LZTS3: variants seen among roughly 807,000 people sequenced by gnomAD.
LZTS3 encodes leucine zipper putative tumor suppressor 3.
LZTS3 carries 16 observed loss-of-function variants against 50.9 expected under a neutral mutation model. The ratio of observed to expected loss-of-function variants is 0.31; its 90% CI spans 0.21 to 0.48. The LOEUF (loss-of-function observed/expected upper bound fraction) is 0.48. Among genes scored for constraint, LZTS3 ranks in the 20% least tolerant of loss-of-function variants. The probability of loss-of-function intolerance (pLI) is 0.99; values close to 1 mark genes in which losing one functional copy is unlikely to be tolerated. For synonymous variants in LZTS3, 408 were observed against 410.6 expected (o/e 0.99, Z 0.08); for missense variants, 816 against 931.0 (o/e 0.88, Z 1.61).
chr20:3,169,053 G>C (rs1412472116), intron 1 of LZTS3, among the ~76,000 whole-genome samples: 1 of 149,718 alleles, frequency 6.7e-6, no homozygotes, highest in Non-Finnish European at 1.5e-5. Flanking sequence ...GTGGAGAAGA[G>C]CACTTCGCCA....
In LZTS3 at chr20:3,165,415, T is replaced by G; in HGVS notation, c.1323+82A>C. 1 of 936,408 alleles carries G rather than the reference T, an allele frequency of 1.1e-6. No individual in the cohort carries two copies. The highest frequency in any genetic ancestry group is 1.5e-6 in the Non-Finnish European group (1 of 680,310). The allele number at this position is 936,408 out of a possible 1,614,324, so 58.0% of individuals were successfully genotyped here. On this transcript the variant is annotated intron_variant, in intron 4 of 4. Transcript: ENST00000337576. This position sits in a 1 kb window ranked among gnomAD's most constrained non-coding sequence, Gnocchi z 5.0. ...CATCCCCCCCCCCATCCCACCGTTA[T>G]GATAGTGAGGGGCAACTGCTCTGGG... is the stretch of plus-strand genomic sequence containing the variant.
rs1293320871 is a variant in LZTS3, at chr20:3,165,744, G to A, written c.1076C>T (p.Ala359Val). The change falls in exon 4 of 5, where the codon GCG (alanine) becomes GTG (valine). Residue 359 changes from alanine (A) to valine (V), a missense_variant. Ala to Val is a moderately conservative substitution (Grantham distance 64). Around this residue, in one of 3 missense-constraint regions of LZTS3, gnomAD observed 700 missense variants for 769.4 expected, o/e 0.91. Coordinates refer to ENST00000337576, the MANE Select transcript of LZTS3 (RefSeq NM_001365618.1). This position sits in a 1 kb window ranked among gnomAD's most constrained non-coding sequence, Gnocchi z 5.0. The part of the protein sequence containing the change: ...VAQVLEERQK[A>V]WERELAELRQ... ...CAGCTCGGCCAGCTCCCGCTCCCACGCCTTCTGCCGCTCCTCCAGTACCTG... is the reference window on the plus strand; with the variant it reads ...CAGCTCGGCCAGCTCCCGCTCCCACACCTTCTGCCGCTCCTCCAGTACCTG... 7.0e-6 allele frequency: 11 copies of A among 1,574,874 alleles called. No individual in the cohort carries two copies. The highest frequency in any genetic ancestry group is 2.3e-5 in the South Asian group (2 of 88,120).
rs755543046 is a variant in LZTS3 at position 3,166,027 on chromosome 20, C to T, written c.793G>A (p.Gly265Ser). The T allele has an allele frequency of 5.0e-6, 8 of 1,612,270 alleles. No homozygotes were observed. Among genetic ancestry groups the T allele is most frequent in the South Asian group, 2.2e-5 (2 of 90,880 alleles). The change falls in exon 4 of 5, where the codon GGT becomes AGT. Residue 265 changes from glycine (G) to serine (S), a missense_variant. Gly to Ser is a moderately conservative substitution (Grantham distance 56, BLOSUM62 0). Coordinates refer to ENST00000337576, the MANE Select transcript of LZTS3 (RefSeq NM_001365618.1). Reference protein sequence around the residue: ...SYGSGSGGSSGGGSGYQDLGT... With the variant: ...SYGSGSGGSSSGGSGYQDLGT... ...AGGTCCTGGTAGCCCGACCCCCCAC[C>T]GCTGCTGCCGCCACTACCACTACCA...
intron 1 of LZTS3, among the ~76,000 whole-genome samples, chr20:3,171,419 T>G (rs542416403): frequency 6.6e-6 from 1 of 152,118 alleles, no homozygotes; most frequent in East Asian, 1.9e-4. Flanking sequence ...CTTGTCGTAA[T>G]TGTAACCTGT....
rs1040640178 is a variant in LZTS3, at chr20:3,167,892, G to A, written c.-173C>T. 6.1e-6 allele frequency: 6 copies of A among 984,166 alleles called. No homozygotes were observed. Among genetic ancestry groups the A allele is most frequent in the Non-Finnish European group, 7.2e-6 (6 of 828,780 alleles). The allele number at this position is 984,166 out of a possible 1,614,324, so 61.0% of individuals were successfully genotyped here. A position where few individuals can be genotyped will look rare whatever the true frequency, so the allele number is the denominator to read the frequency against. On this transcript the variant is annotated 5_prime_UTR_variant, in exon 2 of 5. Coordinates refer to ENST00000337576, the MANE Select transcript of LZTS3 (RefSeq NM_001365618.1). Reference sequence around the variant, plus strand: ...CCATGTGCCTCACTCTCGCAGTCGGGGCTCGGCCCGAACCAGCTGCGCGAC... The same window carrying A: ...CCATGTGCCTCACTCTCGCAGTCGGAGCTCGGCCCGAACCAGCTGCGCGAC...
chr20:3,165,254 G>A lies in LZTS3; in HGVS notation c.1324-102C>T, dbSNP rs1413923603. 2 of 1,270,036 alleles carry A rather than the reference G, an allele frequency of 1.6e-6. No homozygotes were observed. The highest frequency in any genetic ancestry group is 2.9e-5 in the Admixed American group (1 of 34,974). 78.7% of individuals were successfully genotyped at this position (1,270,036 alleles called of 1,614,324 possible). A position where few individuals can be genotyped will look rare whatever the true frequency, so the allele number is the denominator to read the frequency against. ...AGCCAGGGGCACCAAGCTTCCCGGG[G>A]CTGCAGGCTCAGCCCCTCATCAGCA... On this transcript the variant is annotated intron_variant, in intron 4 of 4. Transcript: ENST00000337576. This position sits in a 1 kb window ranked among gnomAD's most constrained non-coding sequence, Gnocchi z 5.0.
Position 3,167,143 on chromosome 20 carries a change from C to G in LZTS3, c.21G>C (p.Leu7=). 1 of 1,484,488 alleles carries G rather than the reference C, an allele frequency of 6.7e-7. No homozygotes were observed. The highest frequency in any genetic ancestry group is 8.9e-7 in the Non-Finnish European group (1 of 1,122,978). 92.0% of individuals were successfully genotyped at this position (1,484,488 alleles called of 1,614,324 possible). The change falls in exon 3 of 5, where the codon CTG becomes CTC. Residue 7 remains leucine (L), a synonymous_variant. Transcript: ENST00000337576. ...CCCGCCCTGGGTCAGCGCGCACAGG[C>G]AGCGTCTCCAGCTTCGCCATGACTA... MAKLET[L]PVRADPGRDP...
chr20:3,164,532 C>T lies in LZTS3; in HGVS notation c.1944G>A (p.Thr648=). The T allele has an allele frequency of 6.2e-7, 1 of 1,601,240 alleles. No homozygotes were observed. Among genetic ancestry groups the T allele is most frequent in the South Asian group, 1.1e-5 (1 of 89,260 alleles). The part of the protein sequence containing the change: ...RERGAAGGAS[T]PTPQHGEEKK... Reference sequence around the variant, plus strand: ...TCTCCTCGCCATGCTGGGGAGTGGGCGTGCTTGCACCCCCTGCGGCCCCGC... The same window carrying T: ...TCTCCTCGCCATGCTGGGGAGTGGGTGTGCTTGCACCCCCTGCGGCCCCGC... The change falls in exon 5 of 5, where the codon ACG becomes ACA. Residue 648 remains threonine, a synonymous_variant. Transcript: ENST00000337576.
At position 3,166,762 on chromosome 20, in the gene LZTS3, C is replaced by T. The variant is rs749472403; in HGVS notation, c.402G>A (p.Gln134=). ...TGGGTGGGTGGCTGGGCTCACGATA[C>T]TGCGGTGGGGCTTTGTCACTGCCAC... is the stretch of plus-strand genomic sequence containing the variant. ...SSGGSDKAPP[Q]YREPSHPPKL... The change falls in exon 3 of 5, where the codon CAG becomes CAA. Residue 134 remains glutamine (Q), a synonymous_variant. Transcript: ENST00000337576. 1 of 1,613,972 alleles carries T rather than the reference C, an allele frequency of 6.2e-7. No homozygotes were observed. The highest frequency in any genetic ancestry group is 1.1e-5 in the South Asian group (1 of 91,090).
In LZTS3 at chr20:3,164,669, G is replaced by A. The variant is rs1230174646; in HGVS notation, c.1807C>T (p.Arg603Cys). The change falls in exon 5 of 5, where the codon CGC (arginine) becomes TGC (cysteine). Residue 603 changes from arginine (R) to cysteine (C), a missense_variant. Physicochemically the swap from Arg to Cys is radical, Grantham distance 180. This residue lies in a region of LZTS3 where 107 missense variants were observed against 130.4 expected (regional missense o/e 0.82). Transcript: ENST00000337576. ...RQGASFAEER[R>C]VWLEEKEKVI... ...TTCTCCTTCTCCTCCAGCCACACGC[G>A]GCGCTCCTCGGCGAAGCTGGCACCC... 6.2e-7 allele frequency: 1 copy of A among 1,610,738 alleles called. No homozygotes were observed. Among genetic ancestry groups the A allele is most frequent in the South Asian group, 1.1e-5 (1 of 90,674 alleles).
Position 3,165,061 on chromosome 20 carries a change from C to T in LZTS3, c.1415G>A (p.Gly472Glu). The change falls in exon 5 of 5, where the codon GGA becomes GAA. Residue 472 changes from glycine (G) to glutamate (E), a missense_variant. Gly to Glu is a moderately conservative substitution (Grantham distance 98, BLOSUM62 -2). Coordinates refer to ENST00000337576, the MANE Select transcript of LZTS3 (RefSeq NM_001365618.1). The surrounding 1 kb of genome is among the most constrained non-coding windows in gnomAD (Gnocchi z 5.0). ...DVSQKLSEIV[G>E]LRSQLREGRA... ...GCCCTCCCGCAGCTGCGAGCGCAGTCCCACGATCTCACTCAACTTCTGCGA... is the reference window on the plus strand; with the variant it reads ...GCCCTCCCGCAGCTGCGAGCGCAGTTCCACGATCTCACTCAACTTCTGCGA... The T allele has an allele frequency of 6.3e-7, 1 of 1,585,456 alleles. No individual in the cohort carries two copies. The highest frequency in any genetic ancestry group is 2.3e-5 in the East Asian group (1 of 44,010).
Position 3,165,420 on chromosome 20 carries a change from G to T in LZTS3, c.1323+77C>A. The T allele has an allele frequency of 8.4e-7, 1 of 1,192,074 alleles. No individual in the cohort carries two copies. Among genetic ancestry groups the T allele is most frequent in the Non-Finnish European group, 1.1e-6 (1 of 875,308 alleles). 73.8% of individuals were successfully genotyped at this position (1,192,074 alleles called of 1,614,324 possible). A position where few individuals can be genotyped will look rare whatever the true frequency, so the allele number is the denominator to read the frequency against. On this transcript the variant is annotated intron_variant, in intron 4 of 4. Coordinates refer to ENST00000337576, the MANE Select transcript of LZTS3 (RefSeq NM_001365618.1). This position sits in a 1 kb window ranked among gnomAD's most constrained non-coding sequence, Gnocchi z 5.0. The stretch of plus-strand genomic sequence containing the variant: ...CCCCCCCCATCCCACCGTTATGATA[G>T]TGAGGGGCAACTGCTCTGGGGTTTC...
intron 1 of LZTS3, among the ~76,000 whole-genome samples, chr20:3,169,219 G>T (rs578197419): frequency 6.6e-5 from 10 of 152,226 alleles, no homozygotes; most frequent in African/African-American, 2.2e-4. Context: ...TCCCTCTCTG[G>T]CCTCACTCTA....
rs1470494549 is a variant in LZTS3, at chr20:3,164,584, T to C, written c.1892A>G (p.Gln631Arg). 1 of 1,611,730 alleles carries C rather than the reference T, an allele frequency of 6.2e-7. No homozygotes were observed. Among genetic ancestry groups the C allele is most frequent in the South Asian group, 1.1e-5 (1 of 90,658 alleles). Residue 631 changes from glutamine to arginine, a missense_variant, in exon 5 of 5, where the codon CAG becomes CGG. Transcript: ENST00000337576. ...CTCCCGCAGCCTGCGCTCCAGCTGC[T>C]GGTTGCGCTGGTACATCTCCACGTA... is the stretch of plus-strand genomic sequence containing the variant. The part of the protein sequence containing the change: ...LSYVEMYQRN[Q>R]QLERRLRERG...
Position 3,167,075 on chromosome 20 carries a change from G to A in LZTS3, c.89C>T (p.Pro30Leu), listed in dbSNP as rs1412466375. The change falls in exon 3 of 5, where the codon CCC (proline) becomes CTC (leucine). Residue 30 changes from proline to leucine, a missense_variant. Around this residue, in one of 3 missense-constraint regions of LZTS3, gnomAD observed 700 missense variants for 769.4 expected, o/e 0.91. Coordinates refer to ENST00000337576, the MANE Select transcript of LZTS3 (RefSeq NM_001365618.1). ...AFAPRPSELG[P>L]PDPRLAMGSV... ...GCCCATGGCCAGGCGGGGGTCCGGG[G>A]GTCCAAGCTCGGAGGGCCGTGGGGC... is the stretch of plus-strand genomic sequence containing the variant. 1.9e-6 allele frequency: 3 copies of A among 1,551,216 alleles called. No individual in the cohort carries two copies. Among genetic ancestry groups the A allele is most frequent in the Non-Finnish European group, 1.7e-6 (2 of 1,151,436 alleles).
At chr20:3,168,789 G>A (rs1009639368) in intron 1 of LZTS3, among the ~76,000 whole-genome samples, 3 of 152,210 alleles carry the variant, frequency 2.0e-5, no homozygotes. Context: ...AAACCAGGCA[G>A]GGAGCCCTCC....
At chr20:3,166,383 C>G (rs761198387) in intron 3 of LZTS3, 23 bp from the exon 4 acceptor site, 6 of 1,576,280 alleles carry the variant, frequency 3.8e-6, no homozygotes, top group Non-Finnish European at 4.3e-6. Context: ...CAGGAGGGGG[C>G]TGGGGGTCAG....
intron 1 of LZTS3, among the ~76,000 whole-genome samples, chr20:3,172,577 G>A (rs1013458641): frequency 1.3e-5 from 2 of 152,138 alleles, no homozygotes; most frequent in African/African-American, 4.8e-5. Flanking sequence ...CCCCCAGAGG[G>A]GGCATCTTGG....
chr20:3,168,056 G>A (rs1175173821), intron 1 of LZTS3, 95 bp from the exon 2 acceptor site: 2 of 153,622 alleles, frequency 1.3e-5, no homozygotes, highest in African/African-American at 2.4e-5. Context: ...GGGGTCTGGG[G>A]GAGGGTGGGT....
Sources: allele counts gnomAD v4.1 joint callset (sites outside exome capture counted in the v4.1 genomes callset), GRCh38; gene constraint gnomAD v4.1.1; regional missense constraint gnomAD v4.1.1; non-coding constraint Gnocchi (gnomAD v3.1); transcripts MANE v1.5; gene names NCBI Gene and HGNC (gene_info 2026-07-23, HGNC 2026-07-21).